ARL5B: variants seen among roughly 807,000 people sequenced by gnomAD.
The protein encoded by ARL5B is ADP-ribosylation factor-like protein 5B.
Under a neutral mutation model 26.9 loss-of-function variants are expected in ARL5B, and 10 were observed. The ratio of observed to expected loss-of-function variants is 0.37; its 90% CI spans 0.23 to 0.63. The LOEUF (loss-of-function observed/expected upper bound fraction) is 0.63. Ranked by LOEUF, ARL5B falls within the 30% of genes least tolerant of loss-of-function variation. The pLI is 0.62. For synonymous variants in ARL5B, 87 were observed against 70.4 expected (o/e 1.24, Z -1.18); for missense variants, 167 against 213.9 (o/e 0.78, Z 1.37).
Position 18,674,005 on chromosome 10 carries a change from C to G in ARL5B, c.361C>G (p.Leu121Val). 1 of 1,609,748 alleles carries G rather than the reference C, an allele frequency of 6.2e-7. No homozygotes were observed. The highest frequency in any genetic ancestry group is 8.5e-7 in the Non-Finnish European group (1 of 1,178,226). Residue 121 changes from leucine (L) to valine (V), a missense_variant, in exon 5 of 6, where the codon CTT becomes GTT. Transcript: ENST00000377275. ...AHEDLRKAAVLIFANKQDMKG... is the reference protein window; with the variant it reads ...AHEDLRKAAVVIFANKQDMKG... ...GCAGGATTTACGGAAGGCTGCAGTC[C>G]TTATCTTTGCAAATAAACAGGATAT...
Position 18,675,753 on chromosome 10 carries a change from ACAT to A in ARL5B, c.*541_*543del, listed in dbSNP as rs1396007900. 6.6e-6 allele frequency: 1 copy of A among 152,442 alleles called. No individual in the cohort carries two copies. The highest frequency in any genetic ancestry group is 1.5e-5 in the Non-Finnish European group (1 of 68,182). 9.4% of individuals were successfully genotyped at this position (152,442 alleles called of 1,614,324 possible). On this transcript the variant is annotated 3_prime_UTR_variant, in exon 6 of 6. Transcript: ENST00000377275. ...AGAGGATATATGTAAGGAAGATTCC[ACAT>A]CATGAGTACTTGCCTTTTAACTTTC...
rs538620451 is a variant in ARL5B, at chr10:18,661,049, A to T, written c.46+1366A>T. On this transcript the variant is annotated intron_variant, in intron 1 of 5. Transcript: ENST00000377275. ...TCTTTAGTAGAGACAGGGTTTCGCC[A>T]TGTTGGGCAGGCTGGTCTCGACCTT... Among the ~76,000 whole-genome samples, 28 of 152,218 alleles carry T rather than the reference A, an allele frequency of 1.8e-4. No homozygotes were observed. The East Asian group carries it at 5.2e-3, about 28-fold the overall frequency.
In ARL5B at chr10:18,676,527, ATTAAG is replaced by A. The variant is rs1421930188; in HGVS notation, c.*1312_*1316del. 1.3e-5 allele frequency: 2 copies of A among 151,978 alleles called. No homozygotes were observed. Among genetic ancestry groups the A allele is most frequent in the African/African-American group, 2.4e-5 (1 of 41,448 alleles). The allele number at this position is 151,978 out of a possible 1,614,324, so 9.4% of individuals were successfully genotyped here. ...ATAATCTAAACAATATATTCCTTAAATTAAGAGGAAAGACAAGTGTCGTATTTCGA... is the reference window on the plus strand; with the variant it reads ...ATAATCTAAACAATATATTCCTTAAAAGGAAAGACAAGTGTCGTATTTCGA... On this transcript the variant is annotated 3_prime_UTR_variant, in exon 6 of 6. Transcript: ENST00000377275.
intron 3 of ARL5B, 147 bp downstream of exon 3, chr10:18,668,824 C>A (rs1476891109): frequency 1.1e-5 from 4 of 367,888 alleles, no homozygotes; most frequent in Admixed American, 6.2e-5. Flanking sequence ...GGCTAGAGTG[C>A]AGTGGAGTGA....
chr10:18,670,713 G>A (rs999666574), intron 3 of ARL5B, among the ~76,000 whole-genome samples: 9 of 152,244 alleles, frequency 5.9e-5, no homozygotes, highest in Non-Finnish European at 1.3e-4. Flanking sequence ...AACTCCAGCT[G>A]TGAAAAGGGC....
At position 18,668,791 on chromosome 10, in the gene ARL5B, G is replaced by A. The variant is rs1366758225; in HGVS notation, c.255+114G>A. The A allele has an allele frequency of 9.8e-6, 10 of 1,022,300 alleles. No homozygotes were observed. The African/African-American group carries it at 1.8e-4, about 19-fold the overall frequency. The allele number at this position is 1,022,300 out of a possible 1,614,324, so 63.3% of individuals were successfully genotyped here. A position where few individuals can be genotyped will look rare whatever the true frequency, so the allele number is the denominator to read the frequency against. ...TTGCCTTTTTTTTTTTTTTTTTTAA[G>A]ACGGAGTCTTGCTCTGTCGCCAGGC... On this transcript the variant is annotated intron_variant, in intron 3 of 5. Transcript: ENST00000377275.
At chr10:18,659,736 C>A (rs1356824414) in intron 1 of ARL5B, 53 bp downstream of exon 1, 8 of 1,595,386 alleles carry the variant, frequency 5.0e-6, no homozygotes, top group Admixed American at 1.7e-5. Context: ...AGGGTCCCGC[C>A]GCCGATGGGG....
chr10:18,676,044 T>A lies in ARL5B; in HGVS notation c.*828T>A, dbSNP rs2059909068. 1 of 152,210 alleles carries A rather than the reference T, an allele frequency of 6.6e-6. No individual in the cohort carries two copies. Among genetic ancestry groups the A allele is most frequent in the Non-Finnish European group, 1.5e-5 (1 of 67,930 alleles). 9.4% of individuals were successfully genotyped at this position (152,210 alleles called of 1,614,324 possible). ...TAGTAAATCATACCAGCACTAAAAA[T>A]AAGACAATTGGAATATATTTTAGCA... is the stretch of plus-strand genomic sequence containing the variant. On this transcript the variant is annotated 3_prime_UTR_variant, in exon 6 of 6. Coordinates refer to ENST00000377275, the MANE Select transcript of ARL5B (RefSeq NM_178815.5).
intron 1 of ARL5B, among the ~76,000 whole-genome samples, chr10:18,663,398 A>G (rs1358070765): frequency 1.3e-5 from 2 of 152,198 alleles, no homozygotes; most frequent in Non-Finnish European, 2.9e-5. Flanking sequence ...TCTTAATTTC[A>G]TAATTTAATC....
intron 3 of ARL5B, among the ~76,000 whole-genome samples, chr10:18,671,317 A>G (rs2059886008): frequency 6.6e-6 from 1 of 151,940 alleles, no homozygotes; most frequent in Admixed American, 6.6e-5. Flanking sequence ...GGACTACAGT[A>G]CACACCACCA....
chr10:18,673,846 C>T (rs1316253440), intron 4 of ARL5B, 138 bp from the exon 5 acceptor site: 16 of 593,786 alleles, frequency 2.7e-5, no homozygotes, highest in Admixed American at 8.5e-5. Flanking sequence ...AATGAAATTA[C>T]GGGTATTTGA....
At chr10:18,669,985 C>A (rs1421771232) in intron 3 of ARL5B, among the ~76,000 whole-genome samples, 50 of 131,122 alleles carry the variant, frequency 3.8e-4, no homozygotes, top group Admixed American at 1.2e-3. Flanking sequence ...CAAAACGAGA[C>A]TCTTATCTCA....
chr10:18,675,117 A>T (rs763047151), intron 5 of ARL5B, 51 bp from the exon 6 acceptor site: 1 of 1,547,014 alleles, frequency 6.5e-7, no homozygotes, highest in Non-Finnish European at 8.9e-7. Context: ...GTACGCTTTC[A>T]GTTTTTAAGT....
chr10:18,663,380 C>G (rs1367489370), intron 1 of ARL5B, among the ~76,000 whole-genome samples: 1 of 152,134 alleles, frequency 6.6e-6, no homozygotes, highest in Non-Finnish European at 1.5e-5. Flanking sequence ...AACCATGTAA[C>G]AGTAACATCT....
rs1162713847 is a variant in ARL5B at position 18,675,253 on chromosome 10, T to A, written c.*37T>A. The A allele has an allele frequency of 4.5e-5, 72 of 1,595,386 alleles. No individual in the cohort carries two copies. The East Asian group carries it at 1.6e-3, about 35-fold the overall frequency. On this transcript the variant is annotated 3_prime_UTR_variant, in exon 6 of 6. Transcript: ENST00000377275. ...GAAAGAGACTGCTCTATTTATTCTG[T>A]GACATGAACATTTTTTCCTAGTACC...
chr10:18,666,561 C>G lies in ARL5B; in HGVS notation c.47-14C>G. 6.3e-7 allele frequency: 1 copy of G among 1,598,296 alleles called. No individual in the cohort carries two copies. Among genetic ancestry groups the G allele is most frequent in the Non-Finnish European group, 8.5e-7 (1 of 1,171,994 alleles). On this transcript the variant is annotated splice_polypyrimidine_tract_variant and intron_variant, in intron 1 of 5. Coordinates refer to ENST00000377275, the MANE Select transcript of ARL5B (RefSeq NM_178815.5). ...AGTAGTGTTAAATGTTTATGATTTGCTTTCTTTTTGTAGAACACAAAGTAA... is the reference window on the plus strand; with the variant it reads ...AGTAGTGTTAAATGTTTATGATTTGGTTTCTTTTTGTAGAACACAAAGTAA...
At chr10:18,661,751 G>T (rs1302765899) in intron 1 of ARL5B, among the ~76,000 whole-genome samples, 2 of 152,194 alleles carry the variant, frequency 1.3e-5, no homozygotes, top group Non-Finnish European at 2.9e-5. Context: ...GTAATGATGA[G>T]TAGGAATTTG....
At chr10:18,665,207 G>T (rs911335312) in intron 1 of ARL5B, among the ~76,000 whole-genome samples, 2 of 152,146 alleles carry the variant, frequency 1.3e-5, no homozygotes, top group East Asian at 1.9e-4. Context: ...AAGCTTGGTG[G>T]TGTGCACCTG....
chr10:18,666,425 A>G, intron 1 of ARL5B, 150 bp from the exon 2 acceptor site: 1 of 614,134 alleles, frequency 1.6e-6, no homozygotes, highest in Non-Finnish European at 2.7e-6. Flanking sequence ...TAGCCTTAAC[A>G]TCATAACATT....
Sources: gnomAD v4.1 joint callset for allele counts (sites outside exome capture counted in the v4.1 genomes callset) on GRCh38, gnomAD v4.1.1 for gene constraint, MANE v1.5 for transcripts, NCBI Gene and HGNC (gene_info 2026-07-23, HGNC 2026-07-21) for gene names.